CTNNA3: variants seen among roughly 807,000 people sequenced by gnomAD.
CTNNA3 encodes the protein catenin alpha 3.
CTNNA3 carries 76 observed loss-of-function variants against 95.7 expected under a neutral mutation model. The ratio of observed to expected loss-of-function variants is 0.79; its 90% CI spans 0.66 to 0.96. The LOEUF is 0.96. Ranked by LOEUF, CTNNA3 falls within the 40% of genes least tolerant of loss-of-function variation. CTNNA3 has a pLI of 0.00. For missense variants in CTNNA3, 1,191 were observed against 1,089.8 expected (o/e 1.09, Z -1.31); for synonymous variants, 431 against 374.4 (o/e 1.15, Z -1.74).
chr10:66,438,252 A>C (rs941316319), intron 11 of CTNNA3, among the ~76,000 whole-genome samples: 32 of 152,362 alleles, frequency 2.1e-4, no homozygotes, highest in Non-Finnish European at 4.1e-4. Flanking sequence ...TGCTGTCTTC[A>C]GAGCCAGTAG....
chr10:67,112,193 A>G lies in CTNNA3; in HGVS notation c.1047+68124T>C, dbSNP rs547184846. On this transcript the variant is annotated intron_variant, in intron 7 of 17. Transcript: ENST00000433211. Reference sequence around the variant, plus strand: ...CTTTTCAATATATTATGGATATGTTATAACTGTCTTATTTTATAGCTGATC... The same window carrying G: ...CTTTTCAATATATTATGGATATGTTGTAACTGTCTTATTTTATAGCTGATC... Among the ~76,000 whole-genome samples, 78 of 152,306 alleles carry G rather than the reference A, an allele frequency of 5.1e-4. 1 individual carries two copies. Among genetic ancestry groups the G allele is most frequent in the Non-Finnish European group, 1.0e-3 (68 of 68,000 alleles).
chr10:66,058,603 G>T (rs1402786480), intron 15 of CTNNA3, among the ~76,000 whole-genome samples: 2 of 152,136 alleles, frequency 1.3e-5, no homozygotes, highest in Non-Finnish European at 2.9e-5. Flanking sequence ...CATGAGGAAA[G>T]CTGAGAGCTC....
intron 12 of CTNNA3, among the ~76,000 whole-genome samples, chr10:66,348,823 A>G (rs966695224): frequency 2.0e-5 from 3 of 152,094 alleles, no homozygotes; most frequent in African/African-American, 4.8e-5. Context: ...AACTACTTTT[A>G]TGATTAGACC....
At chr10:66,434,500 C>T (rs1171457027) in intron 11 of CTNNA3, among the ~76,000 whole-genome samples, 1 of 152,074 alleles carries the variant, frequency 6.6e-6, no homozygotes, top group African/African-American at 2.4e-5. Flanking sequence ...ATTTTGTATC[C>T]TGAGACTCTG....
intron 7 of CTNNA3, among the ~76,000 whole-genome samples, chr10:66,935,904 A>C (rs527501652): frequency 6.6e-6 from 1 of 152,068 alleles, no homozygotes; most frequent in East Asian, 1.9e-4. Flanking sequence ...TTTATACCCC[A>C]CCCACAAAAG....
chr10:65,941,446 A>G (rs2077428665), intron 17 of CTNNA3, among the ~76,000 whole-genome samples: 1 of 152,238 alleles, frequency 6.6e-6, no homozygotes, highest in African/African-American at 2.4e-5. Flanking sequence ...AATGCGTTCA[A>G]TATGCCAAGT....
intron 13 of CTNNA3, among the ~76,000 whole-genome samples, chr10:66,123,760 G>C (rs186137742): frequency 4.5e-4 from 69 of 152,298 alleles, no homozygotes; most frequent in African/African-American, 1.6e-3. Flanking sequence ...TCATGTGGAA[G>C]CTGACAAGGC....
intron 3 of CTNNA3, among the ~76,000 whole-genome samples, chr10:67,579,625 C>A (rs995568877): frequency 6.6e-6 from 1 of 152,172 alleles, no homozygotes; most frequent in East Asian, 1.9e-4. Flanking sequence ...TGAGGAATCG[C>A]CACACTGTCT....
chr10:67,226,797 C>T (rs1864938826), intron 5 of CTNNA3, among the ~76,000 whole-genome samples: 1 of 152,064 alleles, frequency 6.6e-6, no homozygotes, highest in African/African-American at 2.4e-5. Flanking sequence ...CATACAGGAC[C>T]TATAAAACAA....
At chr10:66,421,728 C>G (rs1407220651) in intron 11 of CTNNA3, among the ~76,000 whole-genome samples, 2 of 148,432 alleles carry the variant, frequency 1.3e-5, no homozygotes, top group African/African-American at 5.0e-5. Context: ...CCCAGCTACT[C>G]GGGAGGCTGA....
At chr10:67,149,564 A>G (rs562934628) in intron 7 of CTNNA3, among the ~76,000 whole-genome samples, 7 of 152,264 alleles carry the variant, frequency 4.6e-5, no homozygotes, top group Admixed American at 1.3e-4. Context: ...CAGCCTGGGC[A>G]ACAGAGATAG....
chr10:66,805,011 TG>T (rs1367494952), intron 7 of CTNNA3, among the ~76,000 whole-genome samples: 1 of 152,120 alleles, frequency 6.6e-6, no homozygotes, highest in Non-Finnish European at 1.5e-5. Flanking sequence ...CTTATGTATG[TG>T]CTCAGCAGAG....
intron 7 of CTNNA3, among the ~76,000 whole-genome samples, chr10:67,030,601 G>C (rs1409732116): frequency 1.3e-5 from 2 of 151,896 alleles, no homozygotes; most frequent in Non-Finnish European, 2.9e-5. Context: ...ATCTGATTTT[G>C]CATATTTTCA....
rs747974816 is a variant in CTNNA3, at chr10:66,927,269, C to T, written c.1048-151745G>A. 3.7e-6 allele frequency: 6 copies of T among 1,613,790 alleles called. No individual in the cohort carries two copies. On this transcript the variant is annotated intron_variant, in intron 7 of 17. Coordinates refer to ENST00000433211, the MANE Select transcript of CTNNA3 (RefSeq NM_013266.4). This position sits in a 1 kb window ranked among gnomAD's most constrained non-coding sequence, Gnocchi z 4.7. ...AGACTCAAAGAGCTGATTCTTAGTT[C>T]CAATAGAATCTCCTATTTTCTTAAC...
At chr10:66,891,286 A>G (rs964108966) in intron 7 of CTNNA3, among the ~76,000 whole-genome samples, 3 of 152,290 alleles carry the variant, frequency 2.0e-5, no homozygotes, top group Admixed American at 1.3e-4. Flanking sequence ...AGATGAAGGG[A>G]AATTGAAAGA....
At chr10:66,789,259 C>G (rs1466122055) in intron 7 of CTNNA3, among the ~76,000 whole-genome samples, 1 of 152,052 alleles carries the variant, frequency 6.6e-6, no homozygotes, top group African/African-American at 2.4e-5. Context: ...TCACTGCAAC[C>G]TCTGCCTCCT....
chr10:66,214,805 A>T (rs573357629), intron 13 of CTNNA3, among the ~76,000 whole-genome samples: 21 of 152,228 alleles, frequency 1.4e-4, no homozygotes, highest in Admixed American at 1.2e-3. Flanking sequence ...AAAAGAAGTG[A>T]TGGGCATAAT....
chr10:66,329,957 A>T (rs1236006602), intron 12 of CTNNA3, among the ~76,000 whole-genome samples: 1 of 152,098 alleles, frequency 6.6e-6, no homozygotes, highest in African/African-American at 2.4e-5. Context: ...TTACCATCAA[A>T]TAAATATTGC....
chr10:67,342,141 G>C (rs578162749), intron 5 of CTNNA3, among the ~76,000 whole-genome samples: 1 of 109,906 alleles, frequency 9.1e-6, no homozygotes, highest in Admixed American at 1.4e-4. Flanking sequence ...TCACTCTGTC[G>C]CCCAGGCTGG....
Sources: allele counts gnomAD v4.1 joint callset (sites outside exome capture counted in the v4.1 genomes callset), GRCh38; gene constraint gnomAD v4.1.1; non-coding constraint Gnocchi (gnomAD v3.1); transcripts MANE v1.5; gene names NCBI Gene and HGNC (gene_info 2026-07-23, HGNC 2026-07-21).